NYAP2: variants seen among roughly 807,000 people sequenced by gnomAD.
NYAP2 encodes the protein neuronal tyrosine-phosphorylated phosphoinositide-3-kinase adaptor 2, also known as neuronal tyrosine-phosphorylated phosphoinositide-3-kinase adapter 2.
In NYAP2, 23 loss-of-function variants were observed where a neutral mutation model predicts 50.4. The ratio of observed to expected loss-of-function variants is 0.46; its 90% CI spans 0.33 to 0.65. The LOEUF (loss-of-function observed/expected upper bound fraction) is 0.65, where lower values mean the gene tolerates loss of function less well. Ranked by LOEUF, NYAP2 falls within the 30% of genes least tolerant of loss-of-function variation. The pLI is 0.02. For missense variants in NYAP2, 885 were observed against 861.0 expected (o/e 1.03, Z -0.35); for synonymous variants, 394 against 365.2 (o/e 1.08, Z -0.90).
chr2:225,579,546 A>C (rs979800111), intron 4 of NYAP2, among the ~76,000 whole-genome samples: 1 of 152,220 alleles, frequency 6.6e-6, no homozygotes, highest in Non-Finnish European at 1.5e-5. Flanking sequence ...TCTTTTGGCA[A>C]ACGAAATGGC....
chr2:225,452,801 G>A lies in NYAP2; in HGVS notation c.221+43700G>A, dbSNP rs556746278. Reference sequence around the variant, plus strand: ...TACACCCCACCACACACATGCACACGTAACAGAGCTCAACACACAGGGCTC... The same window carrying A: ...TACACCCCACCACACACATGCACACATAACAGAGCTCAACACACAGGGCTC... On this transcript the variant is annotated intron_variant, in intron 3 of 6. Transcript: ENST00000636099. 3.9e-5 allele frequency among the ~76,000 whole-genome samples: 6 copies of A among 152,186 alleles called. No individual in the cohort carries two copies. The East Asian group carries it at 5.8e-4, about 15-fold the overall frequency.
chr2:225,524,429 T>C (rs980045670), intron 4 of NYAP2, among the ~76,000 whole-genome samples: 4 of 152,150 alleles, frequency 2.6e-5, no homozygotes, highest in African/African-American at 7.2e-5. Flanking sequence ...AGATTGAGGG[T>C]GAGTCTGCCT....
the NYAP2 span, among the ~76,000 whole-genome samples, chr2:225,666,416 C>T: frequency 6.6e-6 from 1 of 152,116 alleles, no homozygotes; most frequent in Admixed American, 6.5e-5. Flanking sequence ...AATATTTCCC[C>T]AGCGTGGTCA....
At chr2:225,664,306 T>C in the NYAP2 span, among the ~76,000 whole-genome samples, 1 of 152,200 alleles carries the variant, frequency 6.6e-6, no homozygotes, top group Non-Finnish European at 1.5e-5. Context: ...CTTATAATTG[T>C]TTGCATTAGA....
intron 3 of NYAP2, among the ~76,000 whole-genome samples, chr2:225,422,414 T>C (rs1185449598): frequency 1.3e-5 from 2 of 152,090 alleles, no homozygotes; most frequent in African/African-American, 2.4e-5. Context: ...ATACCAATAA[T>C]ACATGCCATG....
chr2:225,553,720 A>G (rs1691721659), intron 4 of NYAP2, among the ~76,000 whole-genome samples: 1 of 152,176 alleles, frequency 6.6e-6, no homozygotes, highest in African/African-American at 2.4e-5. Flanking sequence ...GATGACCTGG[A>G]GAAGTATATC....
intron 5 of NYAP2, among the ~76,000 whole-genome samples, chr2:225,624,130 C>A (rs1693169187): frequency 1.3e-5 from 2 of 152,022 alleles, no homozygotes; most frequent in Non-Finnish European, 2.9e-5. Flanking sequence ...TTTATTTTTT[C>A]TTTCTATAAA....
At chr2:225,687,986 T>C in the NYAP2 span, among the ~76,000 whole-genome samples, 1 of 152,288 alleles carries the variant, frequency 6.6e-6, no homozygotes, top group East Asian at 1.9e-4. Flanking sequence ...ACCCACCTTA[T>C]CTAGAATTAA....
intron 5 of NYAP2, among the ~76,000 whole-genome samples, chr2:225,585,836 G>A (rs1692380510): frequency 6.6e-6 from 1 of 152,124 alleles, no homozygotes; most frequent in African/African-American, 2.4e-5. Flanking sequence ...AACCAAAATT[G>A]TTAATTGGGA....
At chr2:225,662,407 C>T in the NYAP2 span, among the ~76,000 whole-genome samples, 3 of 152,222 alleles carry the variant, frequency 2.0e-5, no homozygotes, top group East Asian at 5.8e-4. Flanking sequence ...CACACATGCA[C>T]ACATAGATAT....
the NYAP2 span, chr2:225,698,838 G>T: frequency 1.3e-5 from 2 of 151,836 alleles, no homozygotes; most frequent in East Asian, 3.9e-4. Flanking sequence ...GAAATATCAA[G>T]AGTTTACTAT....
the NYAP2 span, among the ~76,000 whole-genome samples, chr2:225,684,371 T>C: frequency 1.3e-5 from 2 of 151,852 alleles, no homozygotes; most frequent in African/African-American, 2.4e-5. Flanking sequence ...AAATCTCTGC[T>C]GCAGTTCATT....
chr2:225,408,595 T>C (rs1694978349), intron 2 of NYAP2, among the ~76,000 whole-genome samples: 1 of 152,104 alleles, frequency 6.6e-6, no homozygotes. Context: ...TAACTTTGCA[T>C]ACAGTATTTA....
the NYAP2 span, among the ~76,000 whole-genome samples, chr2:225,666,541 T>TG: frequency 6.6e-6 from 1 of 152,106 alleles, no homozygotes; most frequent in Non-Finnish European, 1.5e-5. Flanking sequence ...TGGGCGGGGT[T>TG]GGGGGGATGG....
At chr2:225,495,233 AC>A (rs1690482325) in intron 3 of NYAP2, among the ~76,000 whole-genome samples, 1 of 152,196 alleles carries the variant, frequency 6.6e-6, no homozygotes, top group African/African-American at 2.4e-5. Context: ...TTATTTAAAA[AC>A]AAAAACTTAA....
chr2:225,575,263 C>T (rs183130495), intron 4 of NYAP2, among the ~76,000 whole-genome samples: 23 of 152,264 alleles, frequency 1.5e-4, no homozygotes, highest in African/African-American at 5.5e-4. Context: ...GGTCTCCTCA[C>T]TATCCTTCAG....
At chr2:225,665,843 C>T in the NYAP2 span, among the ~76,000 whole-genome samples, 13 of 67,528 alleles carry the variant, frequency 1.9e-4, no homozygotes, top group African/African-American at 5.0e-4. Context: ...AAAAAGCCCA[C>T]CACCCAGATA....
chr2:225,441,058 G>T (rs757511377), intron 3 of NYAP2, among the ~76,000 whole-genome samples: 1 of 152,114 alleles, frequency 6.6e-6, no homozygotes, highest in Non-Finnish European at 1.5e-5. Flanking sequence ...GATGCAAATT[G>T]TGTCATGGCC....
chr2:225,409,129 T>G, intron 3 of NYAP2, 28 bp downstream of exon 3: 1 of 1,492,318 alleles, frequency 6.7e-7, no homozygotes, highest in Non-Finnish European at 9.1e-7. Context: ...TATTTTGAGT[T>G]TTGTGCACAT....
Sources: allele counts gnomAD v4.1 joint callset (sites outside exome capture counted in the v4.1 genomes callset), GRCh38; gene constraint gnomAD v4.1.1; transcripts MANE v1.5; gene names NCBI Gene and HGNC (gene_info 2026-07-23, HGNC 2026-07-21).